ZNF574: variants seen among roughly 807,000 people sequenced by gnomAD.
ZNF574 encodes zinc finger protein 574.
In ZNF574, 25 loss-of-function variants were observed where a neutral mutation model predicts 56.6. The ratio of observed to expected loss-of-function variants is 0.44; its 90% CI spans 0.32 to 0.62. ZNF574 has a LOEUF of 0.62. Ranked by LOEUF, ZNF574 falls within the 20% of genes least tolerant of loss-of-function variation. The pLI, the probability that ZNF574 is intolerant of heterozygous loss-of-function variation, is 0.04. For missense variants in ZNF574, 1,065 were observed against 1,218.9 expected (o/e 0.87, Z 1.88); for synonymous variants, 543 against 492.1 (o/e 1.10, Z -1.37).
upstream of ZNF574, among the ~76,000 whole-genome samples, chr19:42,073,814 CAAAAA>C (rs577928373): frequency 2.9e-3 from 93 of 32,052 alleles, no homozygotes; most frequent in African/African-American, 0.011. Flanking sequence ...TAGACTGTCT[CAAAAA>C]AAAAAAAAAA....
At chr19:42,069,946 GGGAGAGGAGGAT>G (rs1029878980) in intron 1 of ZNF574, among the ~76,000 whole-genome samples, 32 of 152,194 alleles carry the variant, frequency 2.1e-4, no homozygotes, top group Non-Finnish European at 1.8e-4. Context: ...ATAGGGAGGA[GGGAGAGGAGGAT>G]GGAGAGGAGC....
chr19:42,081,186 G>A lies in ZNF574; in HGVS notation c.2580G>A (p.Glu860=). The A allele has an allele frequency of 6.2e-7, 1 of 1,614,082 alleles. No homozygotes were observed. The change falls in exon 2 of 2, where the codon GAG becomes GAA. Residue 860 remains glutamate (E), a synonymous_variant. Transcript: ENST00000359044. ...AAVRQQLAEA[E]AAVGLAVMET... is the part of the protein sequence containing the mutation. The stretch of plus-strand genomic sequence containing the variant: ...TGCGGCAGCAGCTGGCAGAGGCGGA[G>A]GCTGCCGTTGGCCTGGCCGTCATGG...
chr19:42,078,902 T>G lies in ZNF574; in HGVS notation c.296T>G (p.Leu99Arg). The G allele has an allele frequency of 6.2e-7, 1 of 1,614,022 alleles. No individual in the cohort carries two copies. The highest frequency in any genetic ancestry group is 8.5e-7 in the Non-Finnish European group (1 of 1,179,966). Reference protein sequence around the residue: ...SQLLEHQELHLKMMAPQEAVP... With the variant: ...SQLLEHQELHRKMMAPQEAVP... ...CTCCTGGAGCACCAGGAGCTGCACC[T>G]GAAGATGATGGCACCCCAGGAGGCA... The change falls in exon 2 of 2, where the codon CTG becomes CGG. Residue 99 changes from leucine to arginine, a missense_variant. Physicochemically the swap from Leu to Arg is moderately radical, Grantham distance 102. Transcript: ENST00000359044.
rs149736739 is a variant in ZNF574, at chr19:42,080,719, C to A, written c.2113C>A (p.Pro705Thr). Reference sequence around the variant, plus strand: ...GGTCCTGGCTAAGGAGCCCCCTGCCCCTCGAGCCCCACGGGCCACTCGTGC... The same window carrying A: ...GGTCCTGGCTAAGGAGCCCCCTGCCACTCGAGCCCCACGGGCCACTCGTGC... ...GEVLAKEPPA[P>T]RAPRATRAPV... Residue 705 changes from proline to threonine, a missense_variant, in exon 2 of 2, where the codon CCT becomes ACT. Physicochemically the swap from Pro to Thr is conservative, Grantham distance 38 (BLOSUM62 -1). Coordinates refer to ENST00000359044, the MANE Select transcript of ZNF574 (RefSeq NM_022752.6). The surrounding 1 kb of genome is among the most constrained non-coding windows in gnomAD (Gnocchi z 8.5). 1.0e-4 allele frequency: 161 copies of A among 1,613,592 alleles called. 1 individual carries two copies. In the African/African-American group the frequency reaches 2.0e-3, roughly 20 times the overall value.
At chr19:42,076,508 A>T (rs961576355) in intron 1 of ZNF574, among the ~76,000 whole-genome samples, 12 of 143,290 alleles carry the variant, frequency 8.4e-5, no homozygotes, top group African/African-American at 2.6e-4. Flanking sequence ...GGGCTGAGTG[A>T]GGAGGGGCGG....
rs1470557797 is a variant in ZNF574, at chr19:42,077,004, CTT to C, written c.-21+723_-21+724del. Among the ~76,000 whole-genome samples the C allele has an allele frequency of 2.0e-5, 3 of 151,712 alleles. No individual in the cohort carries two copies. In the South Asian group the frequency reaches 6.2e-4, roughly 32 times the overall value. The stretch of plus-strand genomic sequence containing the variant: ...CCTAGAATGAGCTGGGGAAGGTAGT[CTT>C]TTTTAAGTACAGGTAATTAGGCCAA... On this transcript the variant is annotated intron_variant, in intron 1 of 1. Coordinates refer to ENST00000359044, the MANE Select transcript of ZNF574 (RefSeq NM_022752.6).
rs1262362592 is a variant in ZNF574 at position 42,081,272 on chromosome 19, C to T, written c.2666C>T (p.Ala889Val). ...ATTGAGATCTACCCTCTGGCCGAGG[C>T]TGAGGGGGTCCAGATCAGTGGCTGA... ...EAIEIYPLAE[A>V]EGVQISG The change falls in exon 2 of 2, where the codon GCT (alanine) becomes GTT (valine). Residue 889 changes from alanine to valine, a missense_variant. Coordinates refer to ENST00000359044, the MANE Select transcript of ZNF574 (RefSeq NM_022752.6). The T allele has an allele frequency of 6.2e-7, 1 of 1,614,140 alleles. No homozygotes were observed. Among genetic ancestry groups the T allele is most frequent in the Non-Finnish European group, 8.5e-7 (1 of 1,180,032 alleles).
At chr19:42,074,013 G>C (rs1213198486), upstream of ZNF574, among the ~76,000 whole-genome samples, 1 of 151,096 alleles carries the variant, frequency 6.6e-6, no homozygotes, top group African/African-American at 2.4e-5. Context: ...TCTGCCTGTA[G>C]TCCCAGCTAC....
At chr19:42,071,496 G>A (rs944365572), upstream of ZNF574, among the ~76,000 whole-genome samples, 1 of 152,076 alleles carries the variant, frequency 6.6e-6, no homozygotes, top group African/African-American at 2.4e-5. Flanking sequence ...AGCACAGGAA[G>A]CCCTCTGCAA....
upstream of ZNF574, chr19:42,074,947 G>C (rs530101456): frequency 6.6e-6 from 1 of 152,430 alleles, no homozygotes; most frequent in Middle Eastern, 3.4e-3. Context: ...GCAGTGGCGT[G>C]ATCTCGGCTC....
At chr19:42,072,408 T>C (rs2076430477), upstream of ZNF574, among the ~76,000 whole-genome samples, 1 of 151,472 alleles carries the variant, frequency 6.6e-6, no homozygotes, top group African/African-American at 2.4e-5. Context: ...CTAACTTTTT[T>C]TGTATTTTTA....
chr19:42,079,977 A>G lies in ZNF574; in HGVS notation c.1371A>G (p.Ser457=). The change falls in exon 2 of 2, where the codon TCA becomes TCG. Residue 457 remains serine (S), a synonymous_variant. Transcript: ENST00000359044. This position sits in a 1 kb window ranked among gnomAD's most constrained non-coding sequence, Gnocchi z 4.3. ...AGCCCCCTGTGTCTGAGGAGACCTC[A>G]GCAGGGCCCGCTGCCCCAGGCACCT... ...APEPPVSEET[S]AGPAAPGTYR... The G allele has an allele frequency of 1.2e-6, 2 of 1,613,884 alleles. No individual in the cohort carries two copies. Among genetic ancestry groups the G allele is most frequent in the Non-Finnish European group, 1.7e-6 (2 of 1,180,026 alleles).
At position 42,081,179 on chromosome 19, in the gene ZNF574, A is replaced by G. The variant is rs2076498268; in HGVS notation, c.2573A>G (p.Glu858Gly). Reference sequence around the variant, plus strand: ...GCAGCTGTGCGGCAGCAGCTGGCAGAGGCGGAGGCTGCCGTTGGCCTGGCC... The same window carrying G: ...GCAGCTGTGCGGCAGCAGCTGGCAGGGGCGGAGGCTGCCGTTGGCCTGGCC... Reference protein sequence around the residue: ...HQAAVRQQLAEAEAAVGLAVM... With the variant: ...HQAAVRQQLAGAEAAVGLAVM... The change falls in exon 2 of 2, where the codon GAG becomes GGG. Residue 858 changes from glutamate to glycine, a missense_variant. Coordinates refer to ENST00000359044, the MANE Select transcript of ZNF574 (RefSeq NM_022752.6). The G allele has an allele frequency of 6.2e-7, 1 of 1,614,036 alleles. No individual in the cohort carries two copies. Among genetic ancestry groups the G allele is most frequent in the South Asian group, 1.1e-5 (1 of 91,086 alleles).
rs771625674 is a variant in ZNF574, at chr19:42,080,086, C to T, written c.1480C>T (p.Arg494Cys). ...HQRFVHRLER[R>C]HKCSICGKMF... ...ACGTTTTGTGCATCGGCTGGAGCGG[C>T]GCCATAAATGCAGCATTTGTGGCAA... Residue 494 changes from arginine (R) to cysteine (C), a missense_variant, in exon 2 of 2, where the codon CGC (arginine) becomes TGC (cysteine). Physicochemically the swap from Arg to Cys is radical, Grantham distance 180. Transcript: ENST00000359044. The surrounding 1 kb of genome is among the most constrained non-coding windows in gnomAD (Gnocchi z 8.5). 17 of 1,614,066 alleles carry T rather than the reference C, an allele frequency of 1.1e-5. No individual in the cohort carries two copies. Among genetic ancestry groups the T allele is most frequent in the East Asian group, 4.5e-5 (2 of 44,870 alleles).
chr19:42,070,173 C>T (rs1439058822), intron 1 of ZNF574, among the ~76,000 whole-genome samples: 2 of 152,026 alleles, frequency 1.3e-5, no homozygotes, highest in African/African-American at 2.4e-5. Flanking sequence ...CCTGCCTGCC[C>T]GCCTGCCGCC....
At position 42,069,652 on chromosome 19, in the gene ZNF574, T is replaced by C. The variant is rs552542355; in HGVS notation, c.250+691T>C. ...GCCCCCTCCCCTAGCCGGGCCGGCC[T>C]GGGGGGGCCACAGGGGGCGAGGACT... On this transcript the variant is annotated intron_variant, in intron 1 of 1. Transcript: ENST00000222339. Among the ~76,000 whole-genome samples the C allele has an allele frequency of 3.4e-3, 249 of 73,508 alleles. 2 individuals are homozygous for C. The highest frequency in any genetic ancestry group is 4.8e-3 in the African/African-American group (88 of 18,472). 48.2% of individuals were successfully genotyped at this position (73,508 alleles called of 152,430 possible). A position where few individuals can be genotyped will look rare whatever the true frequency, so the allele number is the denominator to read the frequency against.
At chr19:42,076,109 T>A (rs531835117), upstream of ZNF574, 1 of 152,256 alleles carries the variant, frequency 6.6e-6, no homozygotes, top group Non-Finnish European at 1.5e-5. Flanking sequence ...CGTCCGGCCG[T>A]CCGTGCGGCG....
At position 42,080,709 on chromosome 19, in the gene ZNF574, G is replaced by A. The variant is rs1054600354; in HGVS notation, c.2103G>A (p.Glu701=). 2 of 1,613,268 alleles carry A rather than the reference G, an allele frequency of 1.2e-6. No homozygotes were observed. Among genetic ancestry groups the A allele is most frequent in the African/African-American group, 2.7e-5 (2 of 75,046 alleles). The change falls in exon 2 of 2, where the codon GAG becomes GAA. Residue 701 remains glutamate (E), a synonymous_variant. Coordinates refer to ENST00000359044, the MANE Select transcript of ZNF574 (RefSeq NM_022752.6). The surrounding 1 kb of genome is among the most constrained non-coding windows in gnomAD (Gnocchi z 8.5). Reference sequence around the variant, plus strand: ...GGCCTGGAGAGGTCCTGGCTAAGGAGCCCCCTGCCCCTCGAGCCCCACGGG... The same window carrying A: ...GGCCTGGAGAGGTCCTGGCTAAGGAACCCCCTGCCCCTCGAGCCCCACGGG... ...AAGPGEVLAK[E]PPAPRAPRAT...
upstream of ZNF574, among the ~76,000 whole-genome samples, chr19:42,071,506 A>C (rs563695664): frequency 6.6e-6 from 1 of 152,242 alleles, no homozygotes; most frequent in Admixed American, 6.5e-5. Flanking sequence ...GCCCTCTGCA[A>C]GCTGGCATGT....
Sources: allele counts gnomAD v4.1 joint callset (sites outside exome capture counted in the v4.1 genomes callset), GRCh38; gene constraint gnomAD v4.1.1; non-coding constraint Gnocchi (gnomAD v3.1); transcripts MANE v1.5; gene names NCBI Gene and HGNC (gene_info 2026-07-23, HGNC 2026-07-21).